Variants in CHL1 observed in about 807,000 individuals in gnomAD.
CHL1 encodes neural cell adhesion molecule L1-like protein.
Under a neutral mutation model 141.9 loss-of-function variants are expected in CHL1, and 96 were observed. The observed-to-expected ratio is 0.68, with a 90% CI of 0.57 to 0.80. CHL1 has a LOEUF of 0.80. Ranked by LOEUF, CHL1 falls within the 30% of genes least tolerant of loss-of-function variation. CHL1 has a pLI of 0.00. For synonymous variants in CHL1, 613 were observed against 502.2 expected, an observed-to-expected ratio of 1.22 and a Z score of -2.95; for missense variants, 1,820 against 1,457.2, an observed-to-expected ratio of 1.25 and a Z score of -4.05.
chr3:279,820 G>T (rs115614892), intron 2 of CHL1, among the ~76,000 whole-genome samples: 43 of 152,140 alleles, frequency 2.8e-4, no homozygotes, highest in Non-Finnish European at 5.9e-4. Flanking sequence ...GGACTTAAAG[G>T]CTGCTTAGAC....
intron 2 of CHL1, among the ~76,000 whole-genome samples, chr3:257,552 C>CAT (rs1694292487): frequency 6.6e-6 from 1 of 152,024 alleles, no homozygotes; most frequent in Admixed American, 6.6e-5. Context: ...GGGGTTTCAC[C>CAT]ATGCTGACCA....
At chr3:232,780 T>G (rs528546474) in intron 1 of CHL1, among the ~76,000 whole-genome samples, 2 of 152,252 alleles carry the variant, frequency 1.3e-5, no homozygotes, top group East Asian at 3.9e-4. Flanking sequence ...GAAAGAGACC[T>G]TCAGAGAGGT....
chr3:283,813 T>A (rs1044231654), intron 2 of CHL1, among the ~76,000 whole-genome samples: 1 of 152,146 alleles, frequency 6.6e-6, no homozygotes, highest in Non-Finnish European at 1.5e-5. Flanking sequence ...CATAAAAACA[T>A]CCGTGGGGGA....
chr3:394,731 A>T lies in CHL1; in HGVS notation c.2953A>T (p.Asn985Tyr). 6.2e-7 allele frequency: 1 copy of T among 1,613,392 alleles called. No homozygotes were observed. Among genetic ancestry groups the T allele is most frequent in the Non-Finnish European group, 8.5e-7 (1 of 1,179,592 alleles). Residue 985 changes from asparagine to tyrosine, a missense_variant, in exon 24 of 28, where the codon AAC (asparagine) becomes TAC (tyrosine). Coordinates refer to ENST00000256509, the MANE Select transcript of CHL1 (RefSeq NM_006614.4). ...TYEIGELNDI[N>Y]ITTPSKPSWH... ...CGAGATTGGAGAATTAAATGATATT[A>T]ACATTACAACTCCATCAAAGCCCAG...
At chr3:278,445 C>G (rs1696347335) in intron 2 of CHL1, among the ~76,000 whole-genome samples, 1 of 152,202 alleles carries the variant, frequency 6.6e-6, no homozygotes, top group African/African-American at 2.4e-5. Context: ...CAAGATCTTG[C>G]ATGCGATCCC....
At position 377,622 on chromosome 3, in the gene CHL1, A is replaced by G. The variant is rs375950196; in HGVS notation, c.1752-196A>G. 7.2e-5 allele frequency among the ~76,000 whole-genome samples: 11 copies of G among 152,344 alleles called. 1 individual carries two copies. The East Asian group carries it at 1.7e-3, about 24-fold the overall frequency. On this transcript the variant is annotated intron_variant, in intron 15 of 27. Transcript: ENST00000256509. ...AATGTGATTTTGTTTATGGCTATGT[A>G]GACAGTTGTGTATGCTAGAATAATT...
At chr3:208,848 T>C (rs905431642) in intron 1 of CHL1, among the ~76,000 whole-genome samples, 1 of 152,210 alleles carries the variant, frequency 6.6e-6, no homozygotes, top group African/African-American at 2.4e-5. Flanking sequence ...ATTACTGTTA[T>C]CATTATATGA....
At chr3:349,606 G>C in intron 10 of CHL1, 63 bp downstream of exon 10, 1 of 1,365,758 alleles carries the variant, frequency 7.3e-7, no homozygotes, top group Non-Finnish European at 1.0e-6. Flanking sequence ...ACATGTAGTA[G>C]GCCTTGCTTC....
intron 5 of CHL1, among the ~76,000 whole-genome samples, chr3:329,160 C>T (rs1701248659): frequency 6.6e-6 from 1 of 151,900 alleles, no homozygotes. Context: ...TCACGTTTTC[C>T]CCCTGTTCTT....
intron 11 of CHL1, among the ~76,000 whole-genome samples, chr3:357,138 G>A (rs1463535427): frequency 6.6e-6 from 1 of 152,174 alleles, no homozygotes; most frequent in Non-Finnish European, 1.5e-5. Context: ...GCTGAATAAT[G>A]GTAGACTTCA....
intron 2 of CHL1, among the ~76,000 whole-genome samples, chr3:286,213 G>A (rs1478975752): frequency 2.0e-5 from 3 of 152,014 alleles, no homozygotes; most frequent in African/African-American, 4.8e-5. Flanking sequence ...AATGTTTTTT[G>A]TTATTCGCAG....
chr3:382,411 A>G (rs889359594), intron 17 of CHL1, 63 bp from the exon 18 acceptor site: 3 of 1,495,798 alleles, frequency 2.0e-6, no homozygotes, highest in Non-Finnish European at 2.8e-6. Context: ...TTGAGTATAA[A>G]TTTTGGTATA....
intron 14 of CHL1, among the ~76,000 whole-genome samples, chr3:364,373 G>A (rs1171671209): frequency 6.6e-6 from 1 of 152,150 alleles, no homozygotes; most frequent in Non-Finnish European, 1.5e-5. Flanking sequence ...TGAAGTCACT[G>A]AAGATGGTGA....
intron 1 of CHL1, among the ~76,000 whole-genome samples, chr3:237,521 C>T (rs1692113744): frequency 6.6e-6 from 1 of 152,104 alleles, no homozygotes; most frequent in Non-Finnish European, 1.5e-5. Context: ...GTATGGAGTC[C>T]TTTTCTCAAA....
chr3:270,721 T>C (rs138803487), intron 2 of CHL1, among the ~76,000 whole-genome samples: 79 of 152,370 alleles, frequency 5.2e-4, no homozygotes, highest in African/African-American at 1.7e-3. Context: ...TTAAATGCAA[T>C]TGCAGTCAAG....
At chr3:297,773 C>T (rs748589317) in intron 2 of CHL1, among the ~76,000 whole-genome samples, 5 of 152,154 alleles carry the variant, frequency 3.3e-5, no homozygotes, top group East Asian at 3.9e-4. Context: ...AAGAGAGCTC[C>T]GTTCTTGCCT....
chr3:323,768 G>C (rs1700782820), intron 3 of CHL1, among the ~76,000 whole-genome samples: 1 of 152,094 alleles, frequency 6.6e-6, no homozygotes, highest in African/African-American at 2.4e-5. Context: ...GAAAGGCTGA[G>C]GCGGGAGGAT....
At chr3:277,522 A>G (rs544892332) in intron 2 of CHL1, among the ~76,000 whole-genome samples, 2 of 152,158 alleles carry the variant, frequency 1.3e-5, no homozygotes, top group African/African-American at 4.8e-5. Flanking sequence ...ATTCATTTCC[A>G]TGTTACTTTT....
chr3:243,493 A>C (rs1692866400), intron 1 of CHL1, among the ~76,000 whole-genome samples: 1 of 152,186 alleles, frequency 6.6e-6, no homozygotes, highest in Non-Finnish European at 1.5e-5. Context: ...GTTACTAAAC[A>C]AAAGTATTAA....
Sources: allele counts gnomAD v4.1 joint callset (sites outside exome capture counted in the v4.1 genomes callset), GRCh38; gene constraint gnomAD v4.1.1; transcripts MANE v1.5; gene names NCBI Gene and HGNC (gene_info 2026-07-23, HGNC 2026-07-21).